Variants in IKBKB observed in about 807,000 individuals in gnomAD.
IKBKB encodes inhibitor of nuclear factor kappa B kinase subunit beta, also known as inhibitor of nuclear factor kappa-B kinase subunit beta.
A neutral mutation model predicts 113.6 loss-of-function variants in IKBKB; 42 were observed. The observed-to-expected ratio is 0.37, with a 90% CI of 0.29 to 0.48. The LOEUF (loss-of-function observed/expected upper bound fraction) is 0.48. Ranked by LOEUF, IKBKB falls within the 20% of genes least tolerant of loss-of-function variation. IKBKB has a pLI of 0.99. For synonymous variants in IKBKB, 296 were observed against 361.3 expected, an observed-to-expected ratio of 0.82 and a Z score of 2.05; for missense variants, 673 against 939.7, an observed-to-expected ratio of 0.72 and a Z score of 3.71.
intron 2 of IKBKB, among the ~76,000 whole-genome samples, chr8:42,283,682 C>A (rs1810805571): frequency 6.6e-6 from 1 of 152,186 alleles, no homozygotes. Context: ...CAGGGAGACC[C>A]ACATCAGGCT....
At chr8:42,305,758 T>C (rs573115877) in intron 6 of IKBKB, among the ~76,000 whole-genome samples, 2 of 152,316 alleles carry the variant, frequency 1.3e-5, no homozygotes, top group Middle Eastern at 6.8e-3. Context: ...GGCTCAGACG[T>C]GGTGTTGACT....
At chr8:42,300,274 T>G (rs1814902411) in intron 5 of IKBKB, among the ~76,000 whole-genome samples, 1 of 152,148 alleles carries the variant, frequency 6.6e-6, no homozygotes, top group South Asian at 2.1e-4. Flanking sequence ...GGCAGTAGGT[T>G]TTACTGAGGG....
intron 5 of IKBKB, chr8:42,298,577 T>C (rs1814418893): frequency 2.7e-6 from 2 of 745,304 alleles, no homozygotes; most frequent in Non-Finnish European, 3.3e-6. Context: ...AAAGATCATT[T>C]GCACATAAAG....
intron 21 of IKBKB, chr8:42,329,940 A>G (rs999949026): frequency 1.5e-5 from 15 of 985,366 alleles, no homozygotes; most frequent in Non-Finnish European, 1.8e-5. Context: ...TACAAGGGAT[A>G]CCACTGTGAA....
chr8:42,301,016 G>T lies in IKBKB; in HGVS notation c.389-4171G>T, dbSNP rs559200833. ...ATGAAGGCATGCGCCACCATGCCTG[G>T]CTAATTAAAATTTTTTTTTTTGTAG... On this transcript the variant is annotated intron_variant, in intron 5 of 21. Coordinates refer to ENST00000520810, the MANE Select transcript of IKBKB (RefSeq NM_001556.3). 4.3e-4 allele frequency among the ~76,000 whole-genome samples: 66 copies of T among 152,182 alleles called. No homozygotes were observed. In the South Asian group the frequency reaches 0.013, roughly 30 times the overall value.
intron 5 of IKBKB, among the ~76,000 whole-genome samples, chr8:42,303,086 AGAGAAT>A (rs1230401921): frequency 5.7e-5 from 8 of 140,104 alleles, no homozygotes; most frequent in African/African-American, 8.8e-5. Context: ...AGAGAGAGAG[AGAGAAT>A]GAGAGAGAGA....
chr8:42,298,593 T>C, intron 5 of IKBKB: 1 of 595,490 alleles, frequency 1.7e-6, no homozygotes. Flanking sequence ...TAAAGCTTTT[T>C]GGAAAGCATA....
At position 42,272,253 on chromosome 8, in the gene IKBKB, C is replaced by A. The variant is rs778097175; in HGVS notation, c.105+48C>A. 2.5e-6 allele frequency: 4 copies of A among 1,612,748 alleles called. No homozygotes were observed. In the Admixed American group the frequency reaches 5.0e-5, roughly 20 times the overall value. The stretch of plus-strand genomic sequence containing the variant: ...GGAGGGGCGGGGAGCCAGGCCCCCT[C>A]CTCACTGCCTCCACTTTCTCTGATC... On this transcript the variant is annotated intron_variant, in intron 2 of 21. Coordinates refer to ENST00000520810, the MANE Select transcript of IKBKB (RefSeq NM_001556.3).
chr8:42,274,950 C>T (rs373733253), intron 2 of IKBKB, among the ~76,000 whole-genome samples: 4 of 152,046 alleles, frequency 2.6e-5, no homozygotes, highest in East Asian at 1.9e-4. Flanking sequence ...AATCTTGGCT[C>T]GCTGCAACTG....
In IKBKB at chr8:42,288,651, T is replaced by C; in HGVS notation, c.123T>C (p.Ile41=). The C allele has an allele frequency of 6.2e-7, 1 of 1,610,688 alleles. No homozygotes were observed. The highest frequency in any genetic ancestry group is 8.5e-7 in the Non-Finnish European group (1 of 1,178,368). The change falls in exon 3 of 22, where the codon ATT becomes ATC. Residue 41 remains isoleucine, a synonymous_variant. Transcript: ENST00000520810. The stretch of plus-strand genomic sequence containing the variant: ...TTCTGTAGGAAACAGGTGAGCAGAT[T>C]GCCATCAAGCAGTGCCGGCAGGAGC... The part of the protein sequence containing the change: ...RWHNQETGEQ[I]AIKQCRQELS...
intron 8 of IKBKB, among the ~76,000 whole-genome samples, chr8:42,310,107 A>G (rs1246641720): frequency 6.6e-6 from 1 of 152,230 alleles, no homozygotes; most frequent in Non-Finnish European, 1.5e-5. Context: ...ATAAAAGTTA[A>G]TTATTACTGA....
intron 3 of IKBKB, 73 bp from the exon 4 acceptor site, chr8:42,290,083 G>T: frequency 9.5e-7 from 1 of 1,050,538 alleles, no homozygotes; most frequent in East Asian, 2.4e-5. Flanking sequence ...TTGTTGCTGA[G>T]ACCTGGTGGG....
Position 42,284,852 on chromosome 8 carries a change from CT to C in IKBKB, c.106-3760del, listed in dbSNP as rs559953662. Among the ~76,000 whole-genome samples, 780 of 116,064 alleles carry C rather than the reference CT, an allele frequency of 6.7e-3. 3 individuals carry two copies. Among genetic ancestry groups the C allele is most frequent in the African/African-American group, 0.012 (337 of 27,062 alleles). 76.1% of individuals were successfully genotyped at this position (116,064 alleles called of 152,430 possible). The stretch of plus-strand genomic sequence containing the variant: ...GCACATCAATTAAAGAAACGTTATT[CT>C]TTTTTTTTTTTTTTTTTTTTTGAGA... On this transcript the variant is annotated intron_variant, in intron 2 of 21. Transcript: ENST00000520810.
chr8:42,321,097 C>T (rs2130674835), intron 16 of IKBKB: 1 of 361,110 alleles, frequency 2.8e-6, no homozygotes, highest in East Asian at 5.2e-5. Context: ...AGGCCATAAT[C>T]TGTAAAGGCT....
chr8:42,293,324 C>A, intron 4 of IKBKB, 119 bp from the exon 5 acceptor site: 5 of 1,214,058 alleles, frequency 4.1e-6, no homozygotes, highest in Non-Finnish European at 5.9e-6. Context: ...AAAAGCAGGT[C>A]CCCTAAAGAC....
chr8:42,289,103 C>T (rs919033059), intron 3 of IKBKB, among the ~76,000 whole-genome samples: 1 of 152,106 alleles, frequency 6.6e-6, no homozygotes, highest in East Asian at 1.9e-4. Context: ...TAGTCTCAGC[C>T]GCTCGGGTGG....
intron 5 of IKBKB, among the ~76,000 whole-genome samples, chr8:42,295,424 T>G (rs1296064884): frequency 2.0e-5 from 3 of 152,206 alleles, no homozygotes; most frequent in Non-Finnish European, 2.9e-5. Context: ...TGGCCAAAAG[T>G]CTTTAAATTA....
chr8:42,322,441 C>T lies in IKBKB; in HGVS notation c.1933C>T (p.Arg645Trp), dbSNP rs753922163. Reference protein sequence around the residue: ...LMNEDEKTVVRLQEKRQKELW... With the variant: ...LMNEDEKTVVWLQEKRQKELW... The stretch of plus-strand genomic sequence containing the variant: ...GAATGAGGATGAGAAGACTGTTGTC[C>T]GGCTGCAGGAGAAGCGGCAGAAGGA... The change falls in exon 19 of 22, where the codon CGG becomes TGG. Residue 645 changes from arginine (R) to tryptophan (W), a missense_variant. Transcript: ENST00000520810. 57 of 1,613,960 alleles carry T rather than the reference C, an allele frequency of 3.5e-5. No individual in the cohort carries two copies. The highest frequency in any genetic ancestry group is 3.3e-4 in the Middle Eastern group (2 of 6,062).
rs1585828568 is a variant in IKBKB at position 42,327,272 on chromosome 8, T to A, written c.2114+1175T>A. On this transcript the variant is annotated intron_variant, in intron 20 of 21. Coordinates refer to ENST00000520810, the MANE Select transcript of IKBKB (RefSeq NM_001556.3). ...ACTTTGGGAGGCCAAGGCAGGAGGT[T>A]CGCAGGAGTTCGAGGCAAGTCTCCT... Among the ~76,000 whole-genome samples the A allele has an allele frequency of 2.0e-5, 3 of 151,850 alleles. No individual in the cohort carries two copies. In the East Asian group the frequency reaches 5.8e-4, roughly 29 times the overall value.
Sources: gnomAD v4.1 joint callset for allele counts (sites outside exome capture counted in the v4.1 genomes callset) on GRCh38, gnomAD v4.1.1 for gene constraint, MANE v1.5 for transcripts, NCBI Gene and HGNC (gene_info 2026-07-23, HGNC 2026-07-21) for gene names.